The following SYBU variants were observed in gnomAD, a reference collection of about 807,000 sequenced individuals.
SYBU encodes the protein syntabulin.
SYBU carries 21 observed loss-of-function variants against 35.9 expected under a neutral mutation model. The observed-to-expected ratio is 0.58, with a 90% CI of 0.41 to 0.84. The LOEUF is 0.84. Ranked by LOEUF, SYBU falls within the 40% of genes least tolerant of loss-of-function variation. The probability of loss-of-function intolerance (pLI) is 0.00; values close to 1 mark genes in which losing one functional copy is unlikely to be tolerated. For missense variants in SYBU, 768 were observed against 848.2 expected, an observed-to-expected ratio of 0.91 and a Z score of 1.17; for synonymous variants, 319 against 324.3, an observed-to-expected ratio of 0.98 and a Z score of 0.18.
At chr8:109,599,795 T>C (rs988416687) in intron 3 of SYBU, among the ~76,000 whole-genome samples, 2 of 152,188 alleles carry the variant, frequency 1.3e-5, no homozygotes, top group Non-Finnish European at 2.9e-5. Flanking sequence ...AAGTCCAAAC[T>C]CTTTAGCACG....
intron 4 of SYBU, among the ~76,000 whole-genome samples, chr8:109,582,284 A>C (rs527841800): frequency 1.3e-5 from 2 of 152,240 alleles, no homozygotes; most frequent in Non-Finnish European, 2.9e-5. Flanking sequence ...AAAAAGAAGC[A>C]ACATGCTTAA....
Position 109,664,498 on chromosome 8 carries a change from G to A in SYBU, c.-129+16213C>T, listed in dbSNP as rs73700922. Among the ~76,000 whole-genome samples, 1,179 of 152,240 alleles carry A rather than the reference G, an allele frequency of 7.7e-3. 17 individuals carry two copies. The highest frequency in any genetic ancestry group is 0.027 in the African/African-American group (1,124 of 41,552). On this transcript the variant is annotated intron_variant, in intron 1 of 5. Transcript: ENST00000408889. Reference sequence around the variant, plus strand: ...GACCAATTTGACTACATTTAACTCAGTATTTATCTAACTCATTTAACCACA... The same window carrying A: ...GACCAATTTGACTACATTTAACTCAATATTTATCTAACTCATTTAACCACA...
chr8:109,578,345 C>T (rs902624470), intron 5 of SYBU, among the ~76,000 whole-genome samples: 2 of 152,146 alleles, frequency 1.3e-5, no homozygotes, highest in Admixed American at 6.5e-5. Context: ...CTTGCTGGCA[C>T]CCTGATCTCA....
rs554604590 is a variant in SYBU at position 109,624,585 on chromosome 8, C to A, written c.230-5546G>T. On this transcript the variant is annotated intron_variant, in intron 2 of 6. Transcript: ENST00000276646. ...TCAGGCCTTACCCAAATGCACCCAT[C>A]GAGTCTTCTTCCCATCGCCAACAGT... Among the ~76,000 whole-genome samples the A allele has an allele frequency of 9.9e-5, 15 of 152,244 alleles. No homozygotes were observed. The East Asian group carries it at 2.5e-3, about 25-fold the overall frequency.
intron 4 of SYBU, 144 bp from the exon 5 acceptor site, chr8:109,580,146 C>A (rs574093972): frequency 5.7e-6 from 4 of 704,342 alleles, no homozygotes; most frequent in East Asian, 2.7e-5. Context: ...TCCTTAGGAG[C>A]GGCCTTCTTC....
intron 2 of SYBU, among the ~76,000 whole-genome samples, chr8:109,631,038 GC>G (rs1278921112): frequency 1.1e-4 from 17 of 152,306 alleles, no homozygotes; most frequent in African/African-American, 4.1e-4. Context: ...GAAAATGAAG[GC>G]AGACAAGGGG....
intron 1 of SYBU, among the ~76,000 whole-genome samples, chr8:109,657,920 T>C (rs1002970579): frequency 6.6e-6 from 1 of 152,216 alleles, no homozygotes; most frequent in Non-Finnish European, 1.5e-5. Context: ...TGCTCAAAGG[T>C]GGTGCACATG....
intron 3 of SYBU, chr8:109,586,490 A>G (rs769824623): frequency 8.6e-5 from 22 of 256,178 alleles, no homozygotes; most frequent in Admixed American, 4.9e-5. Flanking sequence ...CTCCACAACA[A>G]CGGGCTCACC....
At chr8:109,655,151 G>A (rs9297431) in intron 1 of SYBU, among the ~76,000 whole-genome samples, 3 of 151,994 alleles carry the variant, frequency 2.0e-5, no homozygotes, top group Admixed American at 6.5e-5. Context: ...CGCCTTTGAC[G>A]TTCACAAATG....
intron 3 of SYBU, among the ~76,000 whole-genome samples, chr8:109,604,221 CT>C: frequency 6.6e-6 from 1 of 151,956 alleles, no homozygotes; most frequent in South Asian, 2.1e-4. Context: ...AAAAAAAACA[CT>C]GCCTCTAAGG....
rs200031563 is a variant in SYBU at position 109,642,855 on chromosome 8, C to T, written c.102G>A (p.Met34Ile). ...RIPRLILRPHMPQQQHKVSPA... is the reference protein window; with the variant it reads ...RIPRLILRPHIPQQQHKVSPA... ...GGGACACTTTGTGCTGTTGTTGGGG[C>T]ATATGGGGCCGAAGAATCAACCGGG... The change falls in exon 2 of 7, where the codon ATG becomes ATA. Residue 34 changes from methionine to isoleucine, a missense_variant. Transcript: ENST00000276646. The T allele has an allele frequency of 2.3e-5, 37 of 1,610,170 alleles. No homozygotes were observed. In the East Asian group the frequency reaches 8.1e-4, roughly 35 times the overall value.
Position 109,575,065 on chromosome 8 carries a change from G to A in SYBU, c.1833C>T (p.Leu611=), listed in dbSNP as rs539064471. ...GGACCACGGGGGCAGCCACAGCCAG[G>A]AGATCCACCAGGAAGCTGCTGCTCC... is the stretch of plus-strand genomic sequence containing the variant. ...QYWSSSFLVD[L]LAVAAPVVPT... is the part of the protein sequence containing the mutation. The change falls in exon 7 of 7, where the codon CTC becomes CTT. Residue 611 remains leucine, a synonymous_variant. Coordinates refer to ENST00000276646, the MANE Select transcript of SYBU (RefSeq NM_001099754.2). 6 of 1,609,184 alleles carry A rather than the reference G, an allele frequency of 3.7e-6. No homozygotes were observed. In the African/African-American group the frequency reaches 6.7e-5, roughly 18 times the overall value.
At chr8:109,604,422 C>G (rs1825856265) in intron 3 of SYBU, among the ~76,000 whole-genome samples, 1 of 152,176 alleles carries the variant, frequency 6.6e-6, no homozygotes, top group Non-Finnish European at 1.5e-5. Flanking sequence ...TACGCTTCCT[C>G]CTGAAACATA....
intron 3 of SYBU, among the ~76,000 whole-genome samples, chr8:109,605,959 G>T (rs1236048162): frequency 6.6e-6 from 1 of 152,000 alleles, no homozygotes. Flanking sequence ...TTATGCTATG[G>T]CTCAGACTGT....
At chr8:109,597,548 T>C (rs1825027958) in intron 3 of SYBU, among the ~76,000 whole-genome samples, 1 of 150,436 alleles carries the variant, frequency 6.6e-6, no homozygotes, top group African/African-American at 2.4e-5. Flanking sequence ...TAAAACCCCA[T>C]CTCTGAAAAA....
At chr8:109,663,830 C>A (rs1816661992) in intron 1 of SYBU, among the ~76,000 whole-genome samples, 1 of 152,050 alleles carries the variant, frequency 6.6e-6, no homozygotes, top group Non-Finnish European at 1.5e-5. Flanking sequence ...TCATACTAAA[C>A]AAGTTACAGG....
At chr8:109,593,280 A>T (rs1369963919) in intron 3 of SYBU, among the ~76,000 whole-genome samples, 1 of 152,220 alleles carries the variant, frequency 6.6e-6, no homozygotes, top group African/African-American at 2.4e-5. Context: ...CTTCAGTGCG[A>T]TGTGAACAAT....
rs187043532 is a variant in SYBU at position 109,617,358 on chromosome 8, G to T, written c.427+1484C>A. On this transcript the variant is annotated intron_variant, in intron 3 of 6. Coordinates refer to ENST00000276646, the MANE Select transcript of SYBU (RefSeq NM_001099754.2). ...GGAACAGAGTGCTGATGGACTTGGG[G>T]TTTCTTTTTGGGAGTGATACAAACT... Among the ~76,000 whole-genome samples, 160 of 152,268 alleles carry T rather than the reference G, an allele frequency of 1.1e-3. 1 individual carries two copies. Among genetic ancestry groups the T allele is most frequent in the Non-Finnish European group, 7.4e-5 (5 of 68,016 alleles).
rs1344350324 is a variant in SYBU, at chr8:109,654,908, C to G, written c.-129+25803G>C. Among the ~76,000 whole-genome samples, 9 of 152,206 alleles carry G rather than the reference C, an allele frequency of 5.9e-5. 1 individual carries two copies. In the East Asian group the frequency reaches 1.7e-3, roughly 29 times the overall value. On this transcript the variant is annotated intron_variant, in intron 1 of 5. Transcript: ENST00000408889. ...TTATCTTTAAAATGTGTTCATTTCT[C>G]TACCACCTCTTCCTGCCTAGATTTC...
Sources: gnomAD v4.1 joint callset for allele counts (sites outside exome capture counted in the v4.1 genomes callset) on GRCh38, gnomAD v4.1.1 for gene constraint, MANE v1.5 for transcripts, NCBI Gene and HGNC (gene_info 2026-07-23, HGNC 2026-07-21) for gene names.